THEM4: variants seen among roughly 807,000 people sequenced by gnomAD.
THEM4 encodes the protein thioesterase superfamily member 4, also known as acyl-coenzyme A thioesterase THEM4.
A neutral mutation model predicts 25.0 loss-of-function variants in THEM4; 22 were observed. That is an observed-to-expected ratio of 0.88 (90% CI 0.63 to 1.26). The LOEUF is 1.26. Among genes scored for constraint, THEM4 ranks in the 50% most tolerant of loss-of-function variants. The pLI is 0.00. For synonymous variants in THEM4, 113 were observed against 105.6 expected, an observed-to-expected ratio of 1.07 and a Z score of -0.43; for missense variants, 286 against 300.3, an observed-to-expected ratio of 0.95 and a Z score of 0.35.
At chr1:151,898,233 C>G (rs892238394) in intron 1 of THEM4, among the ~76,000 whole-genome samples, 1 of 151,840 alleles carries the variant, frequency 6.6e-6, no homozygotes, top group African/African-American at 2.4e-5. Flanking sequence ...GAAACAGACA[C>G]GGGGATGTTG....
intron 4 of THEM4, among the ~76,000 whole-genome samples, chr1:151,880,993 G>A (rs1409359182): frequency 1.3e-5 from 2 of 151,320 alleles, no homozygotes; most frequent in African/African-American, 4.9e-5. Flanking sequence ...ATCTTGTATT[G>A]TTTTAGATAT....
rs1291534903 is a variant in THEM4 at position 151,872,904 on chromosome 1, T to A, written c.*1984A>T. Among the ~76,000 whole-genome samples the A allele has an allele frequency of 6.6e-6, 1 of 151,734 alleles. No homozygotes were observed. On this transcript the variant is annotated 3_prime_UTR_variant, in exon 6 of 6. Transcript: ENST00000368814. Reference sequence around the variant, plus strand: ...TCCCGGGAAGGGAAAGACCTGACCATCCCCCAGCCCGACACCCGCAAAGGG... The same window carrying A: ...TCCCGGGAAGGGAAAGACCTGACCAACCCCCAGCCCGACACCCGCAAAGGG...
rs1653751369 is a variant in THEM4, at chr1:151,879,020, T to C, written c.558-1895A>G. 2.0e-5 allele frequency among the ~76,000 whole-genome samples: 3 copies of C among 151,808 alleles called. No individual in the cohort carries two copies. The South Asian group carries it at 6.2e-4, about 32-fold the overall frequency. The stretch of plus-strand genomic sequence containing the variant: ...TCAAGACAATGAGAGAGAGCATACA[T>C]AAATACTATTGGGGCCAAAAAGGAT... On this transcript the variant is annotated intron_variant, in intron 4 of 5. Transcript: ENST00000368814.
intron 4 of THEM4, among the ~76,000 whole-genome samples, chr1:151,879,413 CTTT>C (rs753707465): frequency 7.0e-6 from 1 of 142,086 alleles, no homozygotes. Context: ...TTAAAAAGTT[CTTT>C]TTTTTTTTTT....
Position 151,872,406 on chromosome 1 carries a change from A to G in THEM4, c.*2482T>C, listed in dbSNP as rs1168440001. Among the ~76,000 whole-genome samples, 2 of 152,234 alleles carry G rather than the reference A, an allele frequency of 1.3e-5. No homozygotes were observed. Among genetic ancestry groups the G allele is most frequent in the Non-Finnish European group, 1.5e-5 (1 of 68,040 alleles). ...TCGAAATAGTGATTTCATATGGTTC[A>G]GCTTAAATTTCTAATATGGGGAAAG... On this transcript the variant is annotated 3_prime_UTR_variant, in exon 6 of 6. Transcript: ENST00000368814.
At chr1:151,908,234 T>C (rs973043893) in intron 1 of THEM4, among the ~76,000 whole-genome samples, 26 of 152,274 alleles carry the variant, frequency 1.7e-4, no homozygotes, top group Non-Finnish European at 3.7e-4. Context: ...TGTAAAGTTT[T>C]GTGCGAAAGG....
At chr1:151,901,623 A>AC (rs1654353995) in intron 1 of THEM4, among the ~76,000 whole-genome samples, 1 of 152,150 alleles carries the variant, frequency 6.6e-6, no homozygotes, top group Admixed American at 6.5e-5. Flanking sequence ...CGGGAGGATC[A>AC]CCTGAAGTCA....
intron 1 of THEM4, among the ~76,000 whole-genome samples, chr1:151,906,796 C>G (rs1183644773): frequency 1.3e-5 from 2 of 152,110 alleles, no homozygotes; most frequent in Non-Finnish European, 2.9e-5. Context: ...TTTGTGTTGA[C>G]ACTCTGTATC....
chr1:151,896,213 C>T lies in THEM4; in HGVS notation c.100-1019G>A, dbSNP rs139108703. On this transcript the variant is annotated intron_variant, in intron 1 of 5. Coordinates refer to ENST00000368814, the MANE Select transcript of THEM4 (RefSeq NM_053055.5). Reference sequence around the variant, plus strand: ...TTCACCATGTTGGACAGGCTGGTCTCGAACTTCTGACCTTAGGTGATCTGC... The same window carrying T: ...TTCACCATGTTGGACAGGCTGGTCTTGAACTTCTGACCTTAGGTGATCTGC... Among the ~76,000 whole-genome samples, 880 of 152,026 alleles carry T rather than the reference C, an allele frequency of 5.8e-3. 9 individuals carry two copies. Among genetic ancestry groups the T allele is most frequent in the African/African-American group, 0.02 (837 of 41,418 alleles).
In THEM4 at chr1:151,872,632, G is replaced by T. The variant is rs2101712026; in HGVS notation, c.*2256C>A. On this transcript the variant is annotated 3_prime_UTR_variant, in exon 6 of 6. Coordinates refer to ENST00000368814, the MANE Select transcript of THEM4 (RefSeq NM_053055.5). The stretch of plus-strand genomic sequence containing the variant: ...GAGATGCTGTTAATCTGTAACTTTA[G>T]CCCCAACCCTGTGCTTACAGAAACA... 6.6e-6 allele frequency among the ~76,000 whole-genome samples: 1 copy of T among 152,260 alleles called. No individual in the cohort carries two copies. Among genetic ancestry groups the T allele is most frequent in the Middle Eastern group, 3.4e-3 (1 of 294 alleles).
At chr1:151,882,646 G>A (rs1185470850) in intron 4 of THEM4, among the ~76,000 whole-genome samples, 1 of 152,118 alleles carries the variant, frequency 6.6e-6, no homozygotes, top group Non-Finnish European at 1.5e-5. Context: ...TAGTTGAGGT[G>A]GGCATGTTGA....
chr1:151,876,931 C>T, intron 5 of THEM4, 70 bp downstream of exon 5: 3 of 1,523,742 alleles, frequency 2.0e-6, no homozygotes, highest in East Asian at 4.6e-5. Flanking sequence ...ATCAACCAAC[C>T]AACCAACCAA....
intron 4 of THEM4, among the ~76,000 whole-genome samples, chr1:151,880,432 C>T (rs894027283): frequency 5.3e-5 from 8 of 151,752 alleles, no homozygotes; most frequent in South Asian, 2.1e-4. Context: ...AAGCTGAGCT[C>T]GCGCCACTGC....
In THEM4 at chr1:151,898,137, C is replaced by T. The variant is rs1315441076; in HGVS notation, c.100-2943G>A. 4.0e-5 allele frequency among the ~76,000 whole-genome samples: 6 copies of T among 151,770 alleles called. No individual in the cohort carries two copies. The South Asian group carries it at 6.2e-4, about 16-fold the overall frequency. On this transcript the variant is annotated intron_variant, in intron 1 of 5. Coordinates refer to ENST00000368814, the MANE Select transcript of THEM4 (RefSeq NM_053055.5). ...AACCCGGCTTGCAGACTTCACAGGT[C>T]GGGGAAGAACTAAAGCCCTTTTCTT...
rs192818287 is a variant in THEM4 at position 151,872,732 on chromosome 1, C to G, written c.*2156G>C. 6.6e-6 allele frequency among the ~76,000 whole-genome samples: 1 copy of G among 152,154 alleles called. No homozygotes were observed. The highest frequency in any genetic ancestry group is 2.4e-5 in the African/African-American group (1 of 41,420). On this transcript the variant is annotated 3_prime_UTR_variant, in exon 6 of 6. Coordinates refer to ENST00000368814, the MANE Select transcript of THEM4 (RefSeq NM_053055.5). ...GCCTCATTAACAGTATGTTTACAGG[C>G]AGTATGCTTGGTAAAAGTCATCGCC... is the stretch of plus-strand genomic sequence containing the variant.
chr1:151,895,117 C>T lies in THEM4; in HGVS notation c.177G>A (p.Leu59=), dbSNP rs1163644348. ...PNPSWNKDLR[L]LFDQFMKKCE... ...ATTTCTTCATAAACTGGTCAAAGAG[C>T]AGTCTTAGGTCCTTGTTCCAGCTGG... The change falls in exon 2 of 6, where the codon CTG becomes CTA. Residue 59 remains leucine (L), a synonymous_variant. Coordinates refer to ENST00000368814, the MANE Select transcript of THEM4 (RefSeq NM_053055.5). 3.7e-6 allele frequency: 6 copies of T among 1,614,012 alleles called. No homozygotes were observed. In the Admixed American group the frequency reaches 8.3e-5, roughly 22 times the overall value.
Position 151,874,922 on chromosome 1 carries a change from A to G in THEM4, c.689T>C (p.Phe230Ser). ...ACTTTTAGCAGGATTCAGCTTTATA[A>G]ATAAGCCTAAACAAACAAAATAACA... ...KTLYSEATSL[F>S]IKLNPAKSLT Residue 230 changes from phenylalanine (F) to serine (S), a missense_variant, in exon 6 of 6, where the codon TTT becomes TCT. Coordinates refer to ENST00000368814, the MANE Select transcript of THEM4 (RefSeq NM_053055.5). 6.2e-7 allele frequency: 1 copy of G among 1,613,542 alleles called. No individual in the cohort carries two copies. The highest frequency in any genetic ancestry group is 8.5e-7 in the Non-Finnish European group (1 of 1,179,472).
intron 2 of THEM4, 105 bp from the exon 3 acceptor site, chr1:151,889,478 T>C: frequency 8.5e-7 from 1 of 1,175,408 alleles, no homozygotes. Flanking sequence ...AATAGATGAT[T>C]GATTCAAATG....
At chr1:151,880,055 T>C (rs953407405) in intron 4 of THEM4, among the ~76,000 whole-genome samples, 1 of 151,986 alleles carries the variant, frequency 6.6e-6, no homozygotes, top group African/African-American at 2.4e-5. Flanking sequence ...GGAGTTATCA[T>C]AGTGCATTGC....
Sources: gnomAD v4.1 joint callset for allele counts (sites outside exome capture counted in the v4.1 genomes callset) on GRCh38, gnomAD v4.1.1 for gene constraint, MANE v1.5 for transcripts, NCBI Gene and HGNC (gene_info 2026-07-23, HGNC 2026-07-21) for gene names.